PCGF5: variants seen among roughly 807,000 people sequenced by gnomAD.
PCGF5 encodes polycomb group ring finger 5, also known as polycomb group RING finger protein 5.
PCGF5 carries 9 observed loss-of-function variants against 44.3 expected under a neutral mutation model. That is an observed-to-expected ratio of 0.20 (90% CI 0.12 to 0.35). PCGF5 has a LOEUF of 0.35. Ranked by LOEUF, PCGF5 falls within the 10% of genes least tolerant of loss-of-function variation. The probability of loss-of-function intolerance (pLI) is 1.00; values close to 1 mark genes in which losing one functional copy is unlikely to be tolerated. For synonymous variants in PCGF5, 95 were observed against 102.5 expected (o/e 0.93, Z 0.44); for missense variants, 146 against 305.3 (o/e 0.48, Z 3.89).
intron 1 of PCGF5, among the ~76,000 whole-genome samples, chr10:91,167,670 C>T (rs1207461749): frequency 1.3e-5 from 2 of 152,242 alleles, no homozygotes; most frequent in Non-Finnish European, 2.9e-5. Flanking sequence ...TATTGTGCAG[C>T]ATCTTGAATG....
At chr10:91,269,328 T>G (rs1846121388) in intron 8 of PCGF5, among the ~76,000 whole-genome samples, 3 of 152,224 alleles carry the variant, frequency 2.0e-5, no homozygotes, top group Admixed American at 2.0e-4. Flanking sequence ...TGGACTTTCT[T>G]CACAATATTC....
chr10:91,233,920 A>C (rs1845080903), intron 2 of PCGF5, among the ~76,000 whole-genome samples: 1 of 152,262 alleles, frequency 6.6e-6, no homozygotes, highest in African/African-American at 2.4e-5. Context: ...TTTAATAAAC[A>C]GAGCATTACT....
chr10:91,208,035 G>C (rs1023705136), intron 1 of PCGF5, among the ~76,000 whole-genome samples: 1 of 152,076 alleles, frequency 6.6e-6, no homozygotes, highest in Non-Finnish European at 1.5e-5. Context: ...GACTATCTCT[G>C]TCGAGAGACA....
chr10:91,168,927 C>CAAA (rs2133164076), intron 1 of PCGF5, among the ~76,000 whole-genome samples: 1 of 56,520 alleles, frequency 1.8e-5, no homozygotes, highest in Admixed American at 2.7e-4. Flanking sequence ...GACTCCGTCT[C>CAAA]AGAAAAAAAA....
At position 91,264,523 on chromosome 10, in the gene PCGF5, A is replaced by G; in HGVS notation, c.663+3A>G. The G allele has an allele frequency of 6.2e-7, 1 of 1,600,838 alleles. No homozygotes were observed. The highest frequency in any genetic ancestry group is 8.5e-7 in the Non-Finnish European group (1 of 1,171,586). ...GATGGCGACTAAGAGGCGAAAACGT[A>G]AATTGCTTTTATATTTACCTATGTG... is the stretch of plus-strand genomic sequence containing the variant. On this transcript the variant is annotated splice_donor_region_variant and intron_variant, in intron 8 of 9. Transcript: ENST00000336126.
intron 1 of PCGF5, among the ~76,000 whole-genome samples, chr10:91,213,203 G>A (rs751871481): frequency 5.9e-5 from 9 of 152,058 alleles, no homozygotes; most frequent in Non-Finnish European, 1.3e-4. Flanking sequence ...TTATTAATTA[G>A]TATTAATTCT....
At position 91,225,289 on chromosome 10, in the gene PCGF5, CATATATATAACAT is replaced by C. The variant is rs540265947; in HGVS notation, c.112+2324_112+2336del. On this transcript the variant is annotated intron_variant, in intron 2 of 9. Transcript: ENST00000336126. ...TATATACGATATATATCATATATAA[CATATATATAACAT>C]ATATATATAACATATATGTATGTTC... 1.2e-3 allele frequency among the ~76,000 whole-genome samples: 175 copies of C among 145,610 alleles called. No individual in the cohort carries two copies. The Middle Eastern group carries it at 0.015, about 12-fold the overall frequency.
intron 1 of PCGF5, among the ~76,000 whole-genome samples, chr10:91,191,706 A>G (rs183179991): frequency 1.3e-5 from 2 of 152,260 alleles, no homozygotes; most frequent in East Asian, 1.9e-4. Context: ...TGATTGCAAG[A>G]TCTTTGGCCA....
intron 1 of PCGF5, among the ~76,000 whole-genome samples, chr10:91,164,341 C>T (rs1275406347): frequency 6.6e-6 from 1 of 152,218 alleles, no homozygotes; most frequent in Non-Finnish European, 1.5e-5. Flanking sequence ...GGTCAGGGTC[C>T]ACACATTCCC....
At chr10:91,181,007 C>T (rs1843807838) in intron 1 of PCGF5, among the ~76,000 whole-genome samples, 1 of 151,902 alleles carries the variant, frequency 6.6e-6, no homozygotes, top group Non-Finnish European at 1.5e-5. Flanking sequence ...CAATTTGTGT[C>T]ATCTCTGATT....
At chr10:91,264,980 A>G (rs1172095070) in intron 8 of PCGF5, among the ~76,000 whole-genome samples, 10 of 152,150 alleles carry the variant, frequency 6.6e-5, no homozygotes, top group Non-Finnish European at 8.8e-5. Context: ...TTGAAAATAT[A>G]AACTCGGACT....
intron 1 of PCGF5, among the ~76,000 whole-genome samples, chr10:91,188,924 G>A (rs915791088): frequency 6.6e-6 from 1 of 152,214 alleles, no homozygotes; most frequent in Non-Finnish European, 1.5e-5. Flanking sequence ...AGGTAAAGAG[G>A]CATACAGAGT....
At chr10:91,244,077 G>A (rs563289722) in intron 3 of PCGF5, among the ~76,000 whole-genome samples, 4 of 152,162 alleles carry the variant, frequency 2.6e-5, no homozygotes, top group Non-Finnish European at 5.9e-5. Flanking sequence ...TGTAGTGAGA[G>A]ACAGTCAATA....
At chr10:91,212,965 C>T (rs60974693) in intron 1 of PCGF5, among the ~76,000 whole-genome samples, 1 of 152,064 alleles carries the variant, frequency 6.6e-6, no homozygotes, top group Non-Finnish European at 1.5e-5. Context: ...TGAAGAAATA[C>T]CATCTTCAAA....
chr10:91,163,686 A>G (rs1291891281), intron 1 of PCGF5, among the ~76,000 whole-genome samples: 1 of 152,020 alleles, frequency 6.6e-6, no homozygotes, highest in Non-Finnish European at 1.5e-5. Flanking sequence ...ATAAGATGTC[A>G]CGGAGAGGAA....
At chr10:91,205,217 C>T (rs539175092) in intron 1 of PCGF5, among the ~76,000 whole-genome samples, 46 of 152,182 alleles carry the variant, frequency 3.0e-4, no homozygotes, top group African/African-American at 9.9e-4. Context: ...CAGCCTTGAG[C>T]GCAATTGTTC....
chr10:91,170,629 G>A (rs1479953671), intron 1 of PCGF5, among the ~76,000 whole-genome samples: 3 of 152,214 alleles, frequency 2.0e-5, no homozygotes, highest in Admixed American at 6.5e-5. Flanking sequence ...ACAAGGAGGT[G>A]GAGCAACAGG....
At chr10:91,240,437 G>T in intron 2 of PCGF5, 47 bp from the exon 3 acceptor site, 4 of 1,217,832 alleles carry the variant, frequency 3.3e-6, no homozygotes, top group Admixed American at 1.9e-5. Context: ...AACATTAAAT[G>T]AGCGTTCATA....
chr10:91,260,989 TAAAA>T (rs1845894895), intron 6 of PCGF5, among the ~76,000 whole-genome samples: 1 of 151,720 alleles, frequency 6.6e-6, no homozygotes, highest in South Asian at 2.1e-4. Context: ...GCTTAAATAA[TAAAA>T]AATATATATA....
Sources: gnomAD v4.1 joint callset for allele counts (sites outside exome capture counted in the v4.1 genomes callset) on GRCh38, gnomAD v4.1.1 for gene constraint, MANE v1.5 for transcripts, NCBI Gene and HGNC (gene_info 2026-07-23, HGNC 2026-07-21) for gene names.